The following TMTC1 variants were observed in gnomAD, a reference collection of about 807,000 sequenced individuals.
TMTC1 encodes the protein protein O-mannosyl-transferase TMTC1.
In TMTC1, 73 loss-of-function variants were observed where a neutral mutation model predicts 104.8. The ratio of observed to expected loss-of-function variants is 0.70; its 90% CI spans 0.58 to 0.85. The LOEUF (loss-of-function observed/expected upper bound fraction) is 0.85. TMTC1 is among the 40% of genes least tolerant of loss of function. The pLI is 0.00. For synonymous variants in TMTC1, 434 were observed against 428.7 expected, an observed-to-expected ratio of 1.01 and a Z score of -0.15; for missense variants, 1,035 against 1,096.1, an observed-to-expected ratio of 0.94 and a Z score of 0.79.
At position 29,670,944 on chromosome 12, in the gene TMTC1, G is replaced by A. The variant is rs12816837; in HGVS notation, c.939-37608C>T. ...CACGAGACTCTGTCTCAAAAAAAAA[G>A]AAAAAAAAGGATAGGAATTCAGGAT... is the stretch of plus-strand genomic sequence containing the variant. On this transcript the variant is annotated intron_variant, in intron 5 of 17. Coordinates refer to ENST00000539277, the MANE Select transcript of TMTC1 (RefSeq NM_001193451.2). Among the ~76,000 whole-genome samples the A allele has an allele frequency of 6.4e-4, 40 of 62,602 alleles. 1 individual carries two copies. Among genetic ancestry groups the A allele is most frequent in the South Asian group, 1.2e-3 (2 of 1,648 alleles). 41.1% of individuals were successfully genotyped at this position (62,602 alleles called of 152,430 possible).
At chr12:29,708,778 T>C (rs1396881620) in intron 5 of TMTC1, among the ~76,000 whole-genome samples, 1 of 152,198 alleles carries the variant, frequency 6.6e-6, no homozygotes, top group African/African-American at 2.4e-5. Flanking sequence ...TAGGCTAACC[T>C]GTTTTTATAT....
intron 5 of TMTC1, among the ~76,000 whole-genome samples, chr12:29,672,814 C>T (rs1037723847): frequency 1.3e-5 from 2 of 152,184 alleles, no homozygotes; most frequent in Non-Finnish European, 2.9e-5. Flanking sequence ...GATCACTTGG[C>T]TGCACTGCAG....
At chr12:29,759,390 A>G (rs1371496531) in intron 2 of TMTC1, among the ~76,000 whole-genome samples, 1 of 152,138 alleles carries the variant, frequency 6.6e-6, no homozygotes, top group Non-Finnish European at 1.5e-5. Context: ...CCAGTTACTC[A>G]GGAGGCTGAG....
chr12:29,645,837 A>T (rs1939243699), intron 5 of TMTC1, among the ~76,000 whole-genome samples: 1 of 152,194 alleles, frequency 6.6e-6, no homozygotes, highest in Admixed American at 6.5e-5. Context: ...CAATATTAAA[A>T]ATACTACTAG....
chr12:29,761,732 A>T (rs1057410531), intron 2 of TMTC1, among the ~76,000 whole-genome samples: 1 of 152,224 alleles, frequency 6.6e-6, no homozygotes, highest in Admixed American at 6.5e-5. Flanking sequence ...CAGGCACAGG[A>T]ATAGTATCAC....
chr12:29,536,044 G>T, intron 11 of TMTC1, 165 bp downstream of exon 11: 1 of 608,776 alleles, frequency 1.6e-6, no homozygotes, highest in Non-Finnish European at 2.9e-6. Flanking sequence ...AGAGAATATT[G>T]GAGTGAGAAA....
At chr12:29,578,138 G>C (rs1343618404) in intron 8 of TMTC1, among the ~76,000 whole-genome samples, 1 of 151,940 alleles carries the variant, frequency 6.6e-6, no homozygotes, top group African/African-American at 2.4e-5. Flanking sequence ...CATGGTCTCT[G>C]CTGAGATCAG....
At chr12:29,717,350 C>T (rs557918459) in intron 5 of TMTC1, among the ~76,000 whole-genome samples, 2 of 152,144 alleles carry the variant, frequency 1.3e-5, no homozygotes, top group Non-Finnish European at 2.9e-5. Flanking sequence ...TAAGAAAGAG[C>T]CCTCTTCTTA....
chr12:29,736,697 C>G (rs1309072863), intron 5 of TMTC1, among the ~76,000 whole-genome samples: 1 of 152,144 alleles, frequency 6.6e-6, no homozygotes, highest in East Asian at 1.9e-4. Context: ...GGATTACAGG[C>G]GTAAGCCACC....
chr12:29,690,405 T>G (rs1057017788), intron 5 of TMTC1, among the ~76,000 whole-genome samples: 6 of 152,250 alleles, frequency 3.9e-5, no homozygotes, highest in African/African-American at 1.4e-4. Flanking sequence ...TAAGGCATAT[T>G]GCTTTAGCAC....
At chr12:29,687,054 T>C (rs1367563349) in intron 5 of TMTC1, among the ~76,000 whole-genome samples, 1 of 152,228 alleles carries the variant, frequency 6.6e-6, no homozygotes, top group Non-Finnish European at 1.5e-5. Flanking sequence ...ATAAGAGATA[T>C]TGGGATTAGA....
chr12:29,725,195 G>GA (rs568499438), intron 5 of TMTC1, among the ~76,000 whole-genome samples: 37 of 143,926 alleles, frequency 2.6e-4, no homozygotes, highest in African/African-American at 8.6e-4. Context: ...TTTTTGTTTT[G>GA]TTTTTTTTTT....
At chr12:29,574,220 T>C (rs1017312589) in intron 8 of TMTC1, among the ~76,000 whole-genome samples, 28 of 152,000 alleles carry the variant, frequency 1.8e-4, no homozygotes, top group African/African-American at 6.8e-4. Flanking sequence ...CATTCACTTA[T>C]AGATTTCCTT....
intron 5 of TMTC1, among the ~76,000 whole-genome samples, chr12:29,654,602 G>C (rs147167481): frequency 1.9e-3 from 283 of 152,030 alleles, no homozygotes; most frequent in African/African-American, 6.8e-3. Flanking sequence ...TCCACTCCTA[G>C]GTACATACTC....
intron 8 of TMTC1, among the ~76,000 whole-genome samples, chr12:29,581,410 T>C (rs1331251110): frequency 1.3e-5 from 2 of 152,212 alleles, no homozygotes; most frequent in Admixed American, 6.6e-5. Flanking sequence ...CAAAATTTGA[T>C]TGGACCACCA....
chr12:29,539,106 C>G (rs1301349747), intron 10 of TMTC1, among the ~76,000 whole-genome samples: 6 of 152,206 alleles, frequency 3.9e-5, no homozygotes, highest in Admixed American at 3.9e-4. Context: ...CTTGCTCACC[C>G]CTTGGTGGGA....
In TMTC1 at chr12:29,520,628, T is replaced by C; in HGVS notation, c.1878A>G (p.Leu626=). 3.1e-6 allele frequency: 5 copies of C among 1,612,458 alleles called. No homozygotes were observed. Among genetic ancestry groups the C allele is most frequent in the Non-Finnish European group, 4.2e-6 (5 of 1,179,294 alleles). The change falls in exon 12 of 18, where the codon TTA becomes TTG. Residue 626 remains leucine, a synonymous_variant. Transcript: ENST00000539277. ...SDLHNNYGVF[L]VDTGLPEKAV... is the part of the protein sequence containing the mutation. ...TTTAATTTCACTTACCAGTATCAAC[T>C]AAGAAAACCCCATAGTTGTTGTGTA...
intron 1 of TMTC1, among the ~76,000 whole-genome samples, chr12:29,773,210 G>A (rs1490047843): frequency 6.6e-6 from 1 of 152,094 alleles, no homozygotes; most frequent in African/African-American, 2.4e-5. Context: ...TGAGTTCTCA[G>A]ATAAGCTGGT....
chr12:29,696,581 G>A (rs1166153733), intron 5 of TMTC1, among the ~76,000 whole-genome samples: 1 of 152,096 alleles, frequency 6.6e-6, no homozygotes, highest in Non-Finnish European at 1.5e-5. Context: ...CAATGTTATT[G>A]CTTACTTTCT....
Sources: allele counts gnomAD v4.1 joint callset (sites outside exome capture counted in the v4.1 genomes callset), GRCh38; gene constraint gnomAD v4.1.1; transcripts MANE v1.5; gene names NCBI Gene and HGNC (gene_info 2026-07-23, HGNC 2026-07-21).